PCDH11X: variants seen among roughly 807,000 people sequenced by gnomAD.
The protein encoded by PCDH11X is protocadherin-11 X-linked.
PCDH11X carries 18 observed loss-of-function variants against 53.3 expected under a neutral mutation model. The observed-to-expected ratio is 0.34, with a 90% confidence interval of 0.23 to 0.50. The LOEUF is 0.50. Among genes scored for constraint, PCDH11X ranks in the 20% least tolerant of loss-of-function variants. PCDH11X has a pLI of 0.98. For synonymous variants in PCDH11X, 279 were observed against 393.3 expected (o/e 0.71, Z 3.44); for missense variants, 570 against 1,032.4 (o/e 0.55, Z 6.14).
At chrX:92,419,275 C>CTTTTTT (rs200748988) in intron 9 of PCDH11X, among the ~76,000 whole-genome samples, 24 of 88,868 alleles carry the variant, frequency 2.7e-4, no homozygotes, top group East Asian at 7.8e-4. Context: ...TTTTTTTGTT[C>CTTTTTT]TTTTTTTTTT....
At chrX:92,013,459 A>C (rs1281358970) in intron 6 of PCDH11X, among the ~76,000 whole-genome samples, 2 of 111,719 alleles carry the variant, frequency 1.8e-5, no homozygotes, top group East Asian at 5.6e-4. Flanking sequence ...CATACTGCCC[A>C]AGGTAATTTA....
chrX:92,127,516 C>G (rs900997955), intron 6 of PCDH11X, among the ~76,000 whole-genome samples: 4 of 96,436 alleles, frequency 4.1e-5, no homozygotes, highest in Non-Finnish European at 8.1e-5. Flanking sequence ...TCTTTCCCCC[C>G]ACTTTTTTTT....
At chrX:92,390,916 A>G (rs2071115009) in intron 9 of PCDH11X, among the ~76,000 whole-genome samples, 2 of 107,852 alleles carry the variant, frequency 1.9e-5, no homozygotes, top group Admixed American at 2.0e-4. Context: ...CATTCTCTTA[A>G]GTCTTTTGCC....
At chrX:91,803,975 T>C (rs1209726750) in intron 1 of PCDH11X, among the ~76,000 whole-genome samples, 1 of 111,315 alleles carries the variant, frequency 9.0e-6, no homozygotes, top group Non-Finnish European at 1.9e-5. Context: ...TTTTCCCACA[T>C]TTTTTCAATC....
intron 10 of PCDH11X, chrX:92,515,303 C>A (rs2074244851): frequency 9.2e-6 from 1 of 108,516 alleles, no homozygotes; most frequent in African/African-American, 3.3e-5. Context: ...TCCAAATGTC[C>A]AAATGTTCTT....
At chrX:91,959,829 CAT>C (rs1311542861) in intron 6 of PCDH11X, among the ~76,000 whole-genome samples, 1 of 109,107 alleles carries the variant, frequency 9.2e-6, no homozygotes, top group African/African-American at 3.3e-5. Flanking sequence ...GTTGTTGAAT[CAT>C]ATAGTAGTTC....
chrX:92,553,395 T>C (rs1293983111), intron 10 of PCDH11X, among the ~76,000 whole-genome samples: 2 of 109,831 alleles, frequency 1.8e-5, no homozygotes, highest in East Asian at 5.7e-4. Context: ...TAATGACCCT[T>C]TGAATTTCTT....
At position 91,946,562 on chromosome X, in the gene PCDH11X, T is replaced by C. The variant is rs781341233; in HGVS notation, c.3033+67289T>C. Among the ~76,000 whole-genome samples, 57 of 58,000 alleles carry C rather than the reference T, an allele frequency of 9.8e-4. No individual in the cohort carries two copies. The South Asian group carries it at 0.025, about 26-fold the overall frequency. The allele number at this position is 58,000 out of a possible 115,157, so 50.4% of individuals were successfully genotyped here. ...TGGATTCAAACCTGTTTCCCTCATA[T>C]ATATATATATATATATATATATATA... On this transcript the variant is annotated intron_variant, in intron 6 of 10. Transcript: ENST00000682573.
In PCDH11X at chrX:91,879,118, C is replaced by T; in HGVS notation, c.2878C>T (p.His960Tyr). The change falls in exon 6 of 11, where the codon CAC becomes TAC. Residue 960 changes from histidine to tyrosine, a missense_variant. Physicochemically the swap from His to Tyr is moderately conservative, Grantham distance 83 (BLOSUM62 2). Transcript: ENST00000682573. Reference sequence around the variant, plus strand: ...GCCTGAAACTCCCCTGAATTCGAAGCACCACATCATCCAAGAACTGCCTCT... The same window carrying T: ...GCCTGAAACTCCCCTGAATTCGAAGTACCACATCATCCAAGAACTGCCTCT... ...IQPETPLNSK[H>Y]HIIQELPLDN... 8.3e-7 allele frequency: 1 copy of T among 1,211,456 alleles called. No individual in the cohort carries two copies. The highest frequency in any genetic ancestry group is 1.1e-6 in the Non-Finnish European group (1 of 895,437).
At chrX:92,255,369 C>A (rs1237920889) in intron 7 of PCDH11X, among the ~76,000 whole-genome samples, 7 of 97,687 alleles carry the variant, frequency 7.2e-5, no homozygotes, top group South Asian at 5.3e-4. Context: ...CTTTCAACTT[C>A]TTTGCCTTTG....
At chrX:91,853,779 A>G (rs1351733166) in intron 5 of PCDH11X, among the ~76,000 whole-genome samples, 1 of 112,060 alleles carries the variant, frequency 8.9e-6, no homozygotes, top group Non-Finnish European at 1.9e-5. Flanking sequence ...TTTTAGTTAT[A>G]GATTTATTTA....
chrX:92,581,591 T>G (rs1923714379), intron 10 of PCDH11X, among the ~76,000 whole-genome samples: 2 of 111,919 alleles, frequency 1.8e-5, no homozygotes, highest in Non-Finnish European at 3.8e-5. Flanking sequence ...TCTTTATAAA[T>G]TACCCAGTCT....
At position 92,580,708 on chromosome X, in the gene PCDH11X, G is replaced by T. The variant is rs1260583133; in HGVS notation, c.3368-37556G>T. Among the ~76,000 whole-genome samples the T allele has an allele frequency of 4.5e-5, 5 of 111,995 alleles. No individual in the cohort carries two copies. In the South Asian group the frequency reaches 1.9e-3, roughly 42 times the overall value. ...ACTGGCCACAACCCAAGTGGCTGCC[G>T]AGAGTCTGCACAGCTCTGTGCTTGG... On this transcript the variant is annotated intron_variant, in intron 10 of 10. Transcript: ENST00000682573.
Position 92,199,634 on chromosome X carries a change from A to C in PCDH11X, c.3034-1741A>C, listed in dbSNP as rs1180799770. Among the ~76,000 whole-genome samples, 9 of 110,547 alleles carry C rather than the reference A, an allele frequency of 8.1e-5. No individual in the cohort carries two copies. In the East Asian group the frequency reaches 2.6e-3, roughly 32 times the overall value. ...TTCTGTATATTGGGGTTATTCTATT[A>C]GATGATTTCCTGGTTCTTAGTCTTA... On this transcript the variant is annotated intron_variant, in intron 6 of 10. Transcript: ENST00000682573.
intron 6 of PCDH11X, among the ~76,000 whole-genome samples, chrX:91,977,942 T>C (rs1048497970): frequency 2.7e-5 from 3 of 111,564 alleles, no homozygotes; most frequent in Admixed American, 9.6e-5. Flanking sequence ...CTCCTTCAAG[T>C]TGTAAATTCT....
At chrX:92,009,172 T>A (rs752312619) in intron 6 of PCDH11X, among the ~76,000 whole-genome samples, 1 of 112,262 alleles carries the variant, frequency 8.9e-6, no homozygotes. Flanking sequence ...TTGGACATTG[T>A]TATGATTGCA....
intron 1 of PCDH11X, among the ~76,000 whole-genome samples, chrX:91,802,205 C>T (rs1361987524): frequency 1.8e-5 from 2 of 112,993 alleles, no homozygotes; most frequent in African/African-American, 6.4e-5. Flanking sequence ...TAAATTTGGG[C>T]AATTTTCTTT....
intron 6 of PCDH11X, among the ~76,000 whole-genome samples, chrX:91,987,823 C>A (rs1269393611): frequency 9.2e-6 from 1 of 109,182 alleles, no homozygotes; most frequent in African/African-American, 3.3e-5. Context: ...TTTTGAAAGA[C>A]CCAATGGTCT....
intron 5 of PCDH11X, among the ~76,000 whole-genome samples, chrX:91,851,457 GTTC>G (rs1316557788): frequency 1.9e-3 from 208 of 111,559 alleles, no homozygotes; most frequent in Middle Eastern, 4.7e-3. Context: ...ATTTTTAGTT[GTTC>G]TTCTTCCATT....
Sources: gnomAD v4.1 joint callset for allele counts (sites outside exome capture counted in the v4.1 genomes callset) on GRCh38, gnomAD v4.1.1 for gene constraint, MANE v1.5 for transcripts, NCBI Gene and HGNC (gene_info 2026-07-23, HGNC 2026-07-21) for gene names.